The following TACR1 variants were observed in gnomAD, a reference collection of about 807,000 sequenced individuals.
TACR1 encodes substance-P receptor.
A neutral mutation model predicts 35.8 loss-of-function variants in TACR1; 25 were observed. The observed-to-expected ratio is 0.70, with a 90% CI of 0.51 to 0.98. TACR1 has a LOEUF of 0.98. Ranked by LOEUF, TACR1 falls within the 50% of genes least tolerant of loss-of-function variation. The pLI, the probability that TACR1 is intolerant of heterozygous loss-of-function variation, is 0.00. For synonymous variants in TACR1, 195 were observed against 206.7 expected (o/e 0.94, Z 0.48); for missense variants, 478 against 522.9 (o/e 0.91, Z 0.84).
chr2:75,170,523 T>C (rs1675251910), intron 1 of TACR1, among the ~76,000 whole-genome samples: 1 of 152,148 alleles, frequency 6.6e-6, no homozygotes, highest in Non-Finnish European at 1.5e-5. Context: ...TGGAAGCCAC[T>C]TTGGAACTGG....
At chr2:75,111,894 C>T (rs535047359) in intron 2 of TACR1, among the ~76,000 whole-genome samples, 1 of 151,848 alleles carries the variant, frequency 6.6e-6, no homozygotes, top group East Asian at 1.9e-4. Context: ...TTCCTAATTA[C>T]TTTTTTACAC....
At chr2:75,176,790 A>C (rs1675431170) in intron 1 of TACR1, among the ~76,000 whole-genome samples, 1 of 152,174 alleles carries the variant, frequency 6.6e-6, no homozygotes, top group African/African-American at 2.4e-5. Context: ...AATGACCCCC[A>C]GGACCAATCT....
intron 1 of TACR1, among the ~76,000 whole-genome samples, chr2:75,181,486 T>C (rs1185113317): frequency 6.6e-6 from 1 of 152,186 alleles, no homozygotes; most frequent in Non-Finnish European, 1.5e-5. Context: ...ATATTAGAAT[T>C]ATTTTTAAAA....
At chr2:75,098,756 C>G (rs1673472247) in intron 2 of TACR1, among the ~76,000 whole-genome samples, 1 of 152,186 alleles carries the variant, frequency 6.6e-6, no homozygotes, top group African/African-American at 2.4e-5. Flanking sequence ...ACTTTCCTCT[C>G]AAACTCTCCT....
intron 1 of TACR1, among the ~76,000 whole-genome samples, chr2:75,162,653 C>A (rs1675039295): frequency 6.6e-6 from 1 of 152,132 alleles, no homozygotes; most frequent in African/African-American, 2.4e-5. Flanking sequence ...AACACAGTTC[C>A]CTGTAATTGA....
chr2:75,062,177 A>G (rs757051103), intron 2 of TACR1, among the ~76,000 whole-genome samples: 52 of 152,150 alleles, frequency 3.4e-4, no homozygotes, highest in Non-Finnish European at 5.6e-4. Flanking sequence ...GAGAGCCTTC[A>G]GGCAAAGAGC....
chr2:75,155,137 T>C (rs763794845), intron 1 of TACR1, among the ~76,000 whole-genome samples: 1 of 152,172 alleles, frequency 6.6e-6, no homozygotes, highest in South Asian at 2.1e-4. Context: ...CCCAAAACGT[T>C]GAGGGACTGT....
At chr2:75,085,464 G>A (rs965461209) in intron 2 of TACR1, among the ~76,000 whole-genome samples, 1 of 152,170 alleles carries the variant, frequency 6.6e-6, no homozygotes, top group East Asian at 1.9e-4. Flanking sequence ...TAGCGCAATC[G>A]CACTGGAGGA....
chr2:75,082,514 T>C (rs2103835730), intron 2 of TACR1, among the ~76,000 whole-genome samples: 1 of 152,360 alleles, frequency 6.6e-6, no homozygotes, highest in East Asian at 1.9e-4. Flanking sequence ...TCTTCCACAA[T>C]GGTTGAACTA....
rs79668059 is a variant in TACR1 at position 75,096,766 on chromosome 2, C to A, written c.584+23808G>T. Among the ~76,000 whole-genome samples the A allele has an allele frequency of 7.6e-3, 1,161 of 152,324 alleles. 15 individuals are homozygous for A. Among genetic ancestry groups the A allele is most frequent in the African/African-American group, 0.027 (1,113 of 41,580 alleles). On this transcript the variant is annotated intron_variant, in intron 2 of 4. Coordinates refer to ENST00000305249, the MANE Select transcript of TACR1 (RefSeq NM_001058.4). The stretch of plus-strand genomic sequence containing the variant: ...GTCAGTGACCTTGCCTCCCACTTCA[C>A]TGAGAATATTGAGAGCTTCCAACAT...
rs539637800 is a variant in TACR1 at position 75,132,621 on chromosome 2, G to T, written c.390-11853C>A. Among the ~76,000 whole-genome samples, 44 of 152,186 alleles carry T rather than the reference G, an allele frequency of 2.9e-4. No individual in the cohort carries two copies. In the South Asian group the frequency reaches 9.1e-3, roughly 32 times the overall value. On this transcript the variant is annotated intron_variant, in intron 1 of 4. Transcript: ENST00000305249. ...TTGCTTCTGCAGGTTCTCACTCATG[G>T]TGACCTCTTCCATTATCTGTTTTAT...
rs200280342 is a variant in TACR1 at position 75,053,653 on chromosome 2, G to C, written c.687C>G (p.Pro229=). ...CGTGGTAGCGGTCAGAGGAGTCCCC[G>C]GGGATCTCACTGGCCCATAGTGTGA... The part of the protein sequence containing the change: ...VGITLWASEI[P]GDSSDRYHEQ... Residue 229 remains proline, a synonymous_variant, in exon 3 of 5, where the codon CCC becomes CCG. Coordinates refer to ENST00000305249, the MANE Select transcript of TACR1 (RefSeq NM_001058.4). 3 of 1,602,558 alleles carry C rather than the reference G, an allele frequency of 1.9e-6. No individual in the cohort carries two copies. The highest frequency in any genetic ancestry group is 2.2e-5 in the South Asian group (2 of 89,064).
At chr2:75,190,090 T>G (rs1675805304) in intron 1 of TACR1, 1 of 152,212 alleles carries the variant, frequency 6.6e-6, no homozygotes, top group Non-Finnish European at 1.5e-5. Context: ...ATAAGAAAAC[T>G]TCCATGATTT....
intron 3 of TACR1, among the ~76,000 whole-genome samples, chr2:75,053,164 C>T (rs1042062817): frequency 5.9e-5 from 9 of 152,144 alleles, no homozygotes; most frequent in East Asian, 3.9e-4. Context: ...CTCACGCTCT[C>T]GCTTTGTAGG....
intron 2 of TACR1, among the ~76,000 whole-genome samples, chr2:75,093,409 T>G (rs1339826643): frequency 6.6e-6 from 1 of 152,212 alleles, no homozygotes; most frequent in Non-Finnish European, 1.5e-5. Context: ...ATTTTCTCCA[T>G]CAGTCAACTT....
At chr2:75,059,291 A>G (rs1413051775) in intron 2 of TACR1, among the ~76,000 whole-genome samples, 1 of 152,202 alleles carries the variant, frequency 6.6e-6, no homozygotes. Context: ...TTGGAAGCCT[A>G]TTACAGATGC....
At position 75,098,543 on chromosome 2, in the gene TACR1, T is replaced by C. The variant is rs76046916; in HGVS notation, c.584+22031A>G. On this transcript the variant is annotated intron_variant, in intron 2 of 4. Coordinates refer to ENST00000305249, the MANE Select transcript of TACR1 (RefSeq NM_001058.4). Reference sequence around the variant, plus strand: ...AAAGATGAAGAGAGACCTCTGAGAATAGCTGCCTCAATATTGGCCAATCCT... The same window carrying C: ...AAAGATGAAGAGAGACCTCTGAGAACAGCTGCCTCAATATTGGCCAATCCT... Among the ~76,000 whole-genome samples, 286 of 152,320 alleles carry C rather than the reference T, an allele frequency of 1.9e-3. 1 individual carries two copies. The highest frequency in any genetic ancestry group is 6.6e-3 in the African/African-American group (276 of 41,574).
chr2:75,154,488 C>CACACACACA (rs367627435), intron 1 of TACR1: 2 of 53,542 alleles, frequency 3.7e-5, no homozygotes, highest in African/African-American at 1.5e-4. Context: ...CACTAACCCA[C>CACACACACA]CACACACACA....
chr2:75,163,103 A>G (rs972671573), intron 1 of TACR1, among the ~76,000 whole-genome samples: 9 of 152,226 alleles, frequency 5.9e-5, no homozygotes, highest in African/African-American at 1.7e-4. Context: ...TTACCCAGTC[A>G]TGGCAAACTT....
Sources: gnomAD v4.1 joint callset for allele counts (sites outside exome capture counted in the v4.1 genomes callset) on GRCh38, gnomAD v4.1.1 for gene constraint, MANE v1.5 for transcripts, NCBI Gene and HGNC (gene_info 2026-07-23, HGNC 2026-07-21) for gene names.